UNC79: variants seen among roughly 807,000 people sequenced by gnomAD.
The protein encoded by UNC79 is protein unc-79 homolog.
A neutral mutation model predicts 283.1 loss-of-function variants in UNC79; 37 were observed. The observed-to-expected ratio is 0.13, with a 90% CI of 0.10 to 0.17. The LOEUF (loss-of-function observed/expected upper bound fraction) is 0.17, where lower values mean the gene tolerates loss of function less well. Among genes scored for constraint, UNC79 ranks in the 10% least tolerant of loss-of-function variants. The pLI is 1.00. For missense variants in UNC79, 2,272 were observed against 3,211.1 expected (o/e 0.71, Z 7.07); for synonymous variants, 1,107 against 1,200.2 (o/e 0.92, Z 1.61).
At chr14:93,500,777 A>T (rs1293846443) in intron 7 of UNC79, among the ~76,000 whole-genome samples, 1 of 152,192 alleles carries the variant, frequency 6.6e-6, no homozygotes, top group Non-Finnish European at 1.5e-5. Context: ...TTTCTACTTT[A>T]ACTGTGTTAC....
At chr14:93,525,084 G>T (rs568033752) in intron 8 of UNC79, among the ~76,000 whole-genome samples, 1 of 152,266 alleles carries the variant, frequency 6.6e-6, no homozygotes, top group Non-Finnish European at 1.5e-5. Context: ...ACTAACAAAG[G>T]ATGGCCTTGT....
chr14:93,639,911 G>A (rs1338551662), intron 32 of UNC79, among the ~76,000 whole-genome samples: 2 of 152,122 alleles, frequency 1.3e-5, no homozygotes, highest in Non-Finnish European at 2.9e-5. Context: ...GGTCATACCG[G>A]GTTTTTGTTT....
rs537971465 is a variant in UNC79, at chr14:93,362,014, A to G, written c.-351+28491A>G. Reference sequence around the variant, plus strand: ...TTATTCACTTGTGTATGTTGAACCAACCTTGCATCTCAGGAATAAAACCTA... The same window carrying G: ...TTATTCACTTGTGTATGTTGAACCAGCCTTGCATCTCAGGAATAAAACCTA... On this transcript the variant is annotated intron_variant, in intron 1 of 49. Coordinates refer to the UNC79 transcript ENST00000256339. Among the ~76,000 whole-genome samples the G allele has an allele frequency of 2.4e-4, 36 of 152,304 alleles. No individual in the cohort carries two copies. The East Asian group carries it at 5.2e-3, about 22-fold the overall frequency.
intron 14 of UNC79, among the ~76,000 whole-genome samples, chr14:93,554,933 G>A (rs570349280): frequency 6.6e-6 from 1 of 152,284 alleles, no homozygotes; most frequent in Admixed American, 6.5e-5. Flanking sequence ...GGAACTACAG[G>A]TAATATGTGA....
intron 1 of UNC79, among the ~76,000 whole-genome samples, chr14:93,395,269 T>G (rs2054970879): frequency 6.6e-6 from 1 of 152,172 alleles, no homozygotes; most frequent in South Asian, 2.1e-4. Flanking sequence ...TTAAAGATAG[T>G]TGTATTAGTT....
At chr14:93,533,169 A>G (rs1312341909) in intron 11 of UNC79, among the ~76,000 whole-genome samples, 1 of 152,198 alleles carries the variant, frequency 6.6e-6, no homozygotes, top group East Asian at 1.9e-4. Flanking sequence ...GTCATAAAAA[A>G]GAATTTTTGA....
intron 37 of UNC79, among the ~76,000 whole-genome samples, chr14:93,654,918 C>T (rs993423848): frequency 2.6e-5 from 4 of 152,252 alleles, no homozygotes; most frequent in African/African-American, 9.6e-5. Context: ...ACTCTATGCT[C>T]AGTCTTTGTG....
At chr14:93,472,506 A>G (rs1335650386) in intron 2 of UNC79, among the ~76,000 whole-genome samples, 1 of 152,122 alleles carries the variant, frequency 6.6e-6, no homozygotes, top group East Asian at 1.9e-4. Flanking sequence ...ATTGATAAGA[A>G]GTATTACATA....
chr14:93,594,555 C>T (rs963886390), intron 23 of UNC79, among the ~76,000 whole-genome samples: 1 of 152,194 alleles, frequency 6.6e-6, no homozygotes, highest in Non-Finnish European at 1.5e-5. Context: ...CAGGCATGAG[C>T]CACTGTGCTG....
intron 42 of UNC79, among the ~76,000 whole-genome samples, chr14:93,684,830 T>C (rs1265168082): frequency 6.6e-6 from 1 of 152,220 alleles, no homozygotes; most frequent in African/African-American, 2.4e-5. Flanking sequence ...GAATTAGCTA[T>C]GGTTTGCTTC....
intron 42 of UNC79, among the ~76,000 whole-genome samples, chr14:93,686,006 A>G (rs559526998): frequency 3.4e-4 from 52 of 152,314 alleles, no homozygotes; most frequent in South Asian, 8.3e-4. Flanking sequence ...TCTATTTAGT[A>G]GTGTACCTAC....
intron 4 of UNC79, among the ~76,000 whole-genome samples, chr14:93,485,235 C>T (rs201095965): frequency 1.4e-5 from 2 of 145,040 alleles, no homozygotes; most frequent in Admixed American, 6.9e-5. Flanking sequence ...TATATATATA[C>T]GTGTGTGTGT....
intron 2 of UNC79, among the ~76,000 whole-genome samples, chr14:93,471,950 A>C (rs1595552255): frequency 6.6e-6 from 1 of 152,280 alleles, no homozygotes; most frequent in East Asian, 1.9e-4. Flanking sequence ...GAAAAATACT[A>C]AGGTATATTT....
At chr14:93,509,932 T>C (rs899046381) in intron 7 of UNC79, among the ~76,000 whole-genome samples, 4 of 152,190 alleles carry the variant, frequency 2.6e-5, no homozygotes, top group African/African-American at 7.2e-5. Flanking sequence ...CCGTGAACGC[T>C]CTATCCCTGC....
intron 1 of UNC79, among the ~76,000 whole-genome samples, chr14:93,379,560 G>T (rs1263894415): frequency 6.6e-6 from 1 of 152,084 alleles, no homozygotes; most frequent in East Asian, 1.9e-4. Flanking sequence ...TCTTCACTAT[G>T]ATTTCTACCT....
chr14:93,369,141 G>A (rs963475991), intron 1 of UNC79, among the ~76,000 whole-genome samples: 5 of 152,198 alleles, frequency 3.3e-5, no homozygotes, highest in African/African-American at 9.7e-5. Flanking sequence ...TTAACCCAAA[G>A]GGTGTTGTTG....
chr14:93,433,949 C>T (rs762880315), intron 1 of UNC79, among the ~76,000 whole-genome samples: 4 of 152,184 alleles, frequency 2.6e-5, no homozygotes, highest in Non-Finnish European at 5.9e-5. Context: ...CGCAGTGGCT[C>T]ACGCCTGTAA....
At chr14:93,433,329 T>C (rs1259712584) in intron 1 of UNC79, among the ~76,000 whole-genome samples, 1 of 152,238 alleles carries the variant, frequency 6.6e-6, no homozygotes, top group Non-Finnish European at 1.5e-5. Flanking sequence ...TTAAGGAATC[T>C]CTTTTCTTTT....
At chr14:93,334,785 G>A (rs1443698972) in intron 1 of UNC79, 1 of 152,236 alleles carries the variant, frequency 6.6e-6, no homozygotes, top group African/African-American at 2.4e-5. Flanking sequence ...GCAGACTTGA[G>A]TATGCTTGGA....
Sources: allele counts gnomAD v4.1 joint callset (sites outside exome capture counted in the v4.1 genomes callset), GRCh38; gene constraint gnomAD v4.1.1; transcripts MANE v1.5; gene names NCBI Gene and HGNC (gene_info 2026-07-23, HGNC 2026-07-21).